The following ADAMTS6 variants were observed in gnomAD, a reference collection of about 807,000 sequenced individuals.
ADAMTS6 encodes the protein A disintegrin and metalloproteinase with thrombospondin motifs 6.
In ADAMTS6, 23 loss-of-function variants were observed where a neutral mutation model predicts 144.3. The observed-to-expected ratio is 0.16, with a 90% confidence interval of 0.11 to 0.23. The LOEUF (loss-of-function observed/expected upper bound fraction) is 0.23. Ranked by LOEUF, ADAMTS6 falls within the 10% of genes least tolerant of loss-of-function variation. The probability of loss-of-function intolerance (pLI) is 1.00; values close to 1 mark genes in which losing one functional copy is unlikely to be tolerated. For missense variants in ADAMTS6, 999 were observed against 1,379.6 expected (o/e 0.72, Z 4.37); for synonymous variants, 444 against 457.5 (o/e 0.97, Z 0.38).
intron 7 of ADAMTS6, among the ~76,000 whole-genome samples, chr5:65,397,098 T>C (rs786701): frequency 0.3 from 45,992 of 152,074 alleles, 8,812 homozygotes; most frequent in East Asian, 0.63. Context: ...AGTACATTTC[T>C]TCTCTGTTAT....
intron 20 of ADAMTS6, among the ~76,000 whole-genome samples, chr5:65,200,024 A>C (rs1034436633): frequency 6.6e-6 from 1 of 152,078 alleles, no homozygotes; most frequent in Admixed American, 6.6e-5. Flanking sequence ...TTTTCCTTAC[A>C]TTTGTCTTTT....
chr5:65,359,072 A>G (rs1399484046), intron 7 of ADAMTS6, among the ~76,000 whole-genome samples: 2 of 152,214 alleles, frequency 1.3e-5, no homozygotes, highest in Admixed American at 6.5e-5. Flanking sequence ...GGAAACAATT[A>G]GCAGAGTGAA....
chr5:65,160,652 C>CATT (rs1752711486), intron 24 of ADAMTS6, among the ~76,000 whole-genome samples: 1 of 60,240 alleles, frequency 1.7e-5, no homozygotes, highest in Non-Finnish European at 3.5e-5. Flanking sequence ...TTCTTTCCTC[C>CATT]ATTTTTTTTT....
chr5:65,163,152 C>T (rs1318761174), intron 24 of ADAMTS6, among the ~76,000 whole-genome samples: 2 of 152,154 alleles, frequency 1.3e-5, no homozygotes, highest in African/African-American at 2.4e-5. Flanking sequence ...TCAAGTGATC[C>T]TCCCAACTCA....
intron 20 of ADAMTS6, among the ~76,000 whole-genome samples, chr5:65,202,390 T>C (rs1755794826): frequency 1.3e-5 from 2 of 152,190 alleles, no homozygotes; most frequent in Admixed American, 6.5e-5. Flanking sequence ...TATTACTCCT[T>C]AGCTATTAAG....
At chr5:65,347,489 C>A (rs899419331) in intron 7 of ADAMTS6, among the ~76,000 whole-genome samples, 2 of 151,752 alleles carry the variant, frequency 1.3e-5, no homozygotes, top group Non-Finnish European at 2.9e-5. Flanking sequence ...ACACCGTATA[C>A]AAAAATCAAC....
chr5:65,348,657 T>C (rs1448508970), intron 7 of ADAMTS6, among the ~76,000 whole-genome samples: 1 of 152,146 alleles, frequency 6.6e-6, no homozygotes, highest in Non-Finnish European at 1.5e-5. Flanking sequence ...TAAATGTTTG[T>C]ACCACAAATA....
chr5:65,473,638 C>G lies in ADAMTS6; in HGVS notation c.36G>C (p.Leu12Phe), dbSNP rs1433091136. 1.2e-6 allele frequency: 2 copies of G among 1,613,650 alleles called. No homozygotes were observed. Among genetic ancestry groups the G allele is most frequent in the Non-Finnish European group, 1.7e-6 (2 of 1,179,732 alleles). Residue 12 changes from leucine (L) to phenylalanine (F), a missense_variant, in exon 2 of 25, where the codon TTG (leucine) becomes TTC (phenylalanine). Physicochemically the swap from Leu to Phe is conservative, Grantham distance 22 (BLOSUM62 0). Transcript: ENST00000381055. ...ATTCCGATGAAGCCATGATGAGGCTCAAAATCCAGGTCAACGTCTTCCACA... is the reference window on the plus strand; with the variant it reads ...ATTCCGATGAAGCCATGATGAGGCTGAAAATCCAGGTCAACGTCTTCCACA... ...EILWKTLTWILSLIMASSEFH... is the reference protein window; with the variant it reads ...EILWKTLTWIFSLIMASSEFH...
At chr5:65,249,454 C>T (rs1759954214) in intron 14 of ADAMTS6, among the ~76,000 whole-genome samples, 1 of 152,052 alleles carries the variant, frequency 6.6e-6, no homozygotes, top group Non-Finnish European at 1.5e-5. Flanking sequence ...AGAAAGGGGC[C>T]AGCCTATTAA....
intron 7 of ADAMTS6, among the ~76,000 whole-genome samples, chr5:65,370,127 C>A (rs115060655): frequency 6.6e-6 from 1 of 152,016 alleles, no homozygotes; most frequent in African/African-American, 2.4e-5. Flanking sequence ...GAAATAAAAG[C>A]GGCCAGGCAC....
chr5:65,455,513 G>C (rs1759117786), intron 4 of ADAMTS6, among the ~76,000 whole-genome samples: 1 of 152,146 alleles, frequency 6.6e-6, no homozygotes, highest in East Asian at 1.9e-4. Flanking sequence ...CTGCACTCTA[G>C]CCTGGGCAAC....
chr5:65,325,492 CT>C (rs1260973906), intron 9 of ADAMTS6, among the ~76,000 whole-genome samples: 8,533 of 141,394 alleles, frequency 0.06, 710 homozygotes, highest in African/African-American at 0.19. Flanking sequence ...TTCAATATAG[CT>C]TTTTTTTTTT....
chr5:65,421,301 A>T (rs775709848), intron 7 of ADAMTS6, among the ~76,000 whole-genome samples: 121 of 152,188 alleles, frequency 8.0e-4, no homozygotes, highest in Non-Finnish European at 1.4e-3. Flanking sequence ...TCTGAAAAAG[A>T]CTTTATTTCT....
chr5:65,250,835 T>C (rs781034201), intron 14 of ADAMTS6, among the ~76,000 whole-genome samples: 3 of 152,228 alleles, frequency 2.0e-5, no homozygotes, highest in Non-Finnish European at 2.9e-5. Context: ...GTCCTTTTCA[T>C]AGTAGCTAAT....
chr5:65,248,081 T>G (rs1033969260), intron 14 of ADAMTS6, among the ~76,000 whole-genome samples: 1 of 152,194 alleles, frequency 6.6e-6, no homozygotes, highest in African/African-American at 2.4e-5. Flanking sequence ...AAAGGTACCA[T>G]ATGCGCTAAC....
chr5:65,163,718 A>G (rs1458814886), intron 24 of ADAMTS6, among the ~76,000 whole-genome samples: 1 of 152,232 alleles, frequency 6.6e-6, no homozygotes, highest in East Asian at 1.9e-4. Flanking sequence ...TCAGGGCCTT[A>G]TAATTTAAAT....
Position 65,334,105 on chromosome 5 carries a change from G to C in ADAMTS6, c.1074-20C>G. 1.4e-6 allele frequency: 2 copies of C among 1,480,878 alleles called. No homozygotes were observed. Among genetic ancestry groups the C allele is most frequent in the Non-Finnish European group, 1.8e-6 (2 of 1,116,494 alleles). 91.7% of individuals were successfully genotyped at this position (1,480,878 alleles called of 1,614,324 possible). A position where few individuals can be genotyped will look rare whatever the true frequency, so the allele number is the denominator to read the frequency against. ...TCATATCTATGGAGAAAACAGAGAT[G>C]AAATTTGTAATCTGATCAGATTTGT... On this transcript the variant is annotated intron_variant, in intron 7 of 24. Coordinates refer to ENST00000381055, the MANE Select transcript of ADAMTS6 (RefSeq NM_197941.4).
intron 4 of ADAMTS6, among the ~76,000 whole-genome samples, chr5:65,455,097 C>G (rs1414486737): frequency 1.3e-5 from 2 of 152,220 alleles, no homozygotes; most frequent in African/African-American, 4.8e-5. Flanking sequence ...TCTGGCTAAA[C>G]AGCTTAAATG....
intron 7 of ADAMTS6, among the ~76,000 whole-genome samples, chr5:65,378,862 C>A (rs1447171096): frequency 6.6e-6 from 1 of 152,028 alleles, no homozygotes; most frequent in African/African-American, 2.4e-5. Flanking sequence ...TTTCTGTATT[C>A]TCCAGAATAG....
Sources: allele counts gnomAD v4.1 joint callset (sites outside exome capture counted in the v4.1 genomes callset), GRCh38; gene constraint gnomAD v4.1.1; transcripts MANE v1.5; gene names NCBI Gene and HGNC (gene_info 2026-07-23, HGNC 2026-07-21).